Variants in FAM149B1 observed in about 807,000 individuals in gnomAD.
FAM149B1 encodes the protein primary cilium assembly protein FAM149B1.
Under a neutral mutation model 75.3 loss-of-function variants are expected in FAM149B1, and 56 were observed. The observed-to-expected ratio is 0.74, with a 90% confidence interval of 0.60 to 0.93. The LOEUF (loss-of-function observed/expected upper bound fraction) is 0.93, where lower values mean the gene tolerates loss of function less well. Ranked by LOEUF, FAM149B1 falls within the 40% of genes least tolerant of loss-of-function variation. FAM149B1 has a pLI of 0.00. For synonymous variants in FAM149B1, 259 were observed against 256.1 expected (o/e 1.01, Z -0.11); for missense variants, 639 against 708.4 (o/e 0.90, Z 1.11).
At position 73,203,764 on chromosome 10, in the gene FAM149B1, T is replaced by G. The variant is rs535916802; in HGVS notation, c.543-4855T>G. Among the ~76,000 whole-genome samples, 5 of 152,084 alleles carry G rather than the reference T, an allele frequency of 3.3e-5. No homozygotes were observed. In the South Asian group the frequency reaches 1.0e-3, roughly 32 times the overall value. ...AAGTGATTCTTCCACTTCAGCCTCC[T>G]GAGTAGCTGGGACTATAGGTGCATG... On this transcript the variant is annotated intron_variant, in intron 5 of 13. Coordinates refer to ENST00000242505, the MANE Select transcript of FAM149B1 (RefSeq NM_173348.2).
chr10:73,191,873 T>C (rs1373567482), intron 3 of FAM149B1, among the ~76,000 whole-genome samples: 1 of 152,138 alleles, frequency 6.6e-6, no homozygotes, highest in Non-Finnish European at 1.5e-5. Flanking sequence ...ATACTGTATA[T>C]AAGAATATGT....
At chr10:73,195,142 A>G (rs768454994) in intron 5 of FAM149B1, among the ~76,000 whole-genome samples, 1 of 152,224 alleles carries the variant, frequency 6.6e-6, no homozygotes. Flanking sequence ...AATTATTCCT[A>G]TACTTTTTCC....
At chr10:73,224,385 C>T (rs559621920) in intron 7 of FAM149B1, among the ~76,000 whole-genome samples, 3 of 152,240 alleles carry the variant, frequency 2.0e-5, no homozygotes, top group Non-Finnish European at 4.4e-5. Flanking sequence ...TCAGAAACTA[C>T]CCACATGTCC....
Position 73,239,375 on chromosome 10 carries a change from G to T in FAM149B1, c.1666G>T (p.Gly556Ter). The change falls in exon 13 of 14, where the codon GGA becomes TGA. Residue 556 changes from glycine (G) to a stop codon, truncating the protein, a stop_gained. Transcript: ENST00000242505. LOFTEE classifies it high-confidence loss of function. ...EYPHQARPGR[G>*]SAGPQLHGST... ...TCCTCATCAGGCCCGACCTGGCAGG[G>T]GATCTGCAGGTAAAGGTGGGGCCAT... 1 of 1,551,368 alleles carries T rather than the reference G, an allele frequency of 6.4e-7. No homozygotes were observed. The highest frequency in any genetic ancestry group is 8.7e-7 in the Non-Finnish European group (1 of 1,146,720).
chr10:73,210,352 T>C lies in FAM149B1; in HGVS notation c.812T>C (p.Leu271Pro). The C allele has an allele frequency of 6.4e-7, 1 of 1,551,558 alleles. No homozygotes were observed. Among genetic ancestry groups the C allele is most frequent in the Non-Finnish European group, 8.7e-7 (1 of 1,146,776 alleles). The change falls in exon 7 of 14, where the codon CTT (leucine) becomes CCT (proline). Residue 271 changes from leucine to proline, a missense_variant. Transcript: ENST00000242505. ...APFYCMKEDVLAYVFDSVWCK... is the reference protein window; with the variant it reads ...APFYCMKEDVPAYVFDSVWCK... Reference sequence around the variant, plus strand: ...TTTTACTGCATGAAAGAAGATGTCCTTGCTTATGTGTTTGACAGTGTATGG... The same window carrying C: ...TTTTACTGCATGAAAGAAGATGTCCCTGCTTATGTGTTTGACAGTGTATGG...
intron 1 of FAM149B1, among the ~76,000 whole-genome samples, chr10:73,170,995 G>A (rs557057866): frequency 1.6e-4 from 24 of 150,300 alleles, no homozygotes; most frequent in African/African-American, 5.4e-4. Flanking sequence ...TTTTTGAGAC[G>A]GAGTCTCTGT....
intron 5 of FAM149B1, among the ~76,000 whole-genome samples, chr10:73,207,338 C>G (rs2043088853): frequency 6.6e-6 from 1 of 151,932 alleles, no homozygotes; most frequent in Non-Finnish European, 1.5e-5. Context: ...CCAAGATGGG[C>G]AGATCACTAG....
intron 8 of FAM149B1, 44 bp downstream of exon 8, chr10:73,228,228 AC>A: frequency 6.5e-7 from 1 of 1,529,064 alleles, no homozygotes; most frequent in Non-Finnish European, 8.8e-7. Flanking sequence ...GGCTACTCTC[AC>A]CAGAGGAAAT....
rs2133410915 is a variant in FAM149B1, at chr10:73,235,629, GTTC to G, written c.1602+316_1602+318del. 8.7e-6 allele frequency: 3 copies of G among 342,888 alleles called. No homozygotes were observed. In the South Asian group the frequency reaches 1.1e-4, roughly 13 times the overall value. 21.2% of individuals were successfully genotyped at this position (342,888 alleles called of 1,614,324 possible). A position where few individuals can be genotyped will look rare whatever the true frequency, so the allele number is the denominator to read the frequency against. ...AAGCATAACTTTATTATGTAATCCT[GTTC>G]TTCTGGAATTACATCAAAAGTGGTC... On this transcript the variant is annotated intron_variant, in intron 12 of 13. Transcript: ENST00000242505.
In FAM149B1 at chr10:73,168,238, GCCGGGCCGGAGCCGGCGGGAGGGC is replaced by G; in HGVS notation, c.-100_-77del. 1 of 1,321,832 alleles carries G rather than the reference GCCGGGCCGGAGCCGGCGGGAGGGC, an allele frequency of 7.6e-7. No individual in the cohort carries two copies. The highest frequency in any genetic ancestry group is 1.0e-6 in the Non-Finnish European group (1 of 970,130). The allele number at this position is 1,321,832 out of a possible 1,614,324, so 81.9% of individuals were successfully genotyped here. A position where few individuals can be genotyped will look rare whatever the true frequency, so the allele number is the denominator to read the frequency against. On this transcript the variant is annotated 5_prime_UTR_variant, in exon 1 of 14. Coordinates refer to ENST00000242505, the MANE Select transcript of FAM149B1 (RefSeq NM_173348.2). ...ACGGGGCCGGTAGGTGGCGGGAGGG[GCCGGGCCGGAGCCGGCGGGAGGGC>G]CAGGCCCGGAGGCCCCCACCCTGGC...
chr10:73,198,455 TGAG>T (rs2042857454), intron 5 of FAM149B1, among the ~76,000 whole-genome samples: 3 of 152,166 alleles, frequency 2.0e-5, no homozygotes, highest in South Asian at 2.1e-4. Flanking sequence ...TCATATCTGA[TGAG>T]GAGTTTATAT....
At position 73,239,461 on chromosome 10, in the gene FAM149B1, C is replaced by T. The variant is rs190252328; in HGVS notation, c.1675+77C>T. On this transcript the variant is annotated intron_variant, in intron 13 of 13. Coordinates refer to ENST00000242505, the MANE Select transcript of FAM149B1 (RefSeq NM_173348.2). Reference sequence around the variant, plus strand: ...CCAGCCTTTGTCTTTTTTCCTACACCTATTTCCCCTTCTTTCAGATTTTCT... The same window carrying T: ...CCAGCCTTTGTCTTTTTTCCTACACTTATTTCCCCTTCTTTCAGATTTTCT... 108 of 1,007,536 alleles carry T rather than the reference C, an allele frequency of 1.1e-4. No homozygotes were observed. The Admixed American group carries it at 2.6e-3, about 24-fold the overall frequency. The allele number at this position is 1,007,536 out of a possible 1,614,324, so 62.4% of individuals were successfully genotyped here.
intron 7 of FAM149B1, among the ~76,000 whole-genome samples, chr10:73,216,456 T>C (rs184853594): frequency 6.6e-6 from 1 of 152,128 alleles, no homozygotes; most frequent in East Asian, 1.9e-4. Context: ...TTTGAGTTGT[T>C]TTATAAATTA....
At chr10:73,200,334 C>A in intron 5 of FAM149B1, 2 of 459,488 alleles carry the variant, frequency 4.4e-6, no homozygotes, top group Non-Finnish European at 8.5e-6. Context: ...GAAACTACAT[C>A]GCAAAAACAA....
intron 7 of FAM149B1, among the ~76,000 whole-genome samples, chr10:73,226,099 A>ATT (rs59418464): frequency 1.3e-4 from 18 of 143,228 alleles, no homozygotes; most frequent in African/African-American, 3.1e-4. Flanking sequence ...TACCACAATA[A>ATT]TTTTTTTTTT....
At chr10:73,206,954 G>T (rs1166548357) in intron 5 of FAM149B1, among the ~76,000 whole-genome samples, 1 of 152,138 alleles carries the variant, frequency 6.6e-6, no homozygotes, top group African/African-American at 2.4e-5. Context: ...AATGTTGCAA[G>T]CAAGCTGTAA....
intron 12 of FAM149B1, 81 bp from the exon 13 acceptor site, chr10:73,239,231 A>G (rs938688367): frequency 1.7e-6 from 2 of 1,187,152 alleles, no homozygotes; most frequent in Non-Finnish European, 2.4e-6. Context: ...GTTGATTTCA[A>G]GGTGTTCCTG....
intron 5 of FAM149B1, among the ~76,000 whole-genome samples, chr10:73,194,020 C>T (rs2042738932): frequency 6.6e-6 from 1 of 152,092 alleles, no homozygotes; most frequent in Non-Finnish European, 1.5e-5. Flanking sequence ...GTTTCTCTTT[C>T]TCTTATTATA....
chr10:73,174,853 T>C, intron 2 of FAM149B1, 62 bp downstream of exon 2: 2 of 1,217,122 alleles, frequency 1.6e-6, no homozygotes, highest in South Asian at 2.6e-5. Flanking sequence ...GTTTTGTTTT[T>C]TGGCTTAAGA....
Sources: gnomAD v4.1 joint callset for allele counts (sites outside exome capture counted in the v4.1 genomes callset) on GRCh38, gnomAD v4.1.1 for gene constraint, MANE v1.5 for transcripts, NCBI Gene and HGNC (gene_info 2026-07-23, HGNC 2026-07-21) for gene names.